Variants in OR51B5 observed in about 807,000 individuals in gnomAD.
The protein encoded by OR51B5 is olfactory receptor 51B5.
For missense variants in OR51B5, 456 were observed against 374.6 expected (o/e 1.22, Z -1.79); for synonymous variants, 186 against 144.8 (o/e 1.28, Z -2.04).
At chr11:5,433,071 A>C (rs112591791) in intron 1 of OR51B5, among the ~76,000 whole-genome samples, 8 of 152,234 alleles carry the variant, frequency 5.3e-5, no homozygotes, top group African/African-American at 1.7e-4. Context: ...GGATATAAAC[A>C]TTTCAGGTGA....
At chr11:5,459,689 C>G in intron 1 of OR51B5, among the ~76,000 whole-genome samples, 1 of 151,866 alleles carries the variant, frequency 6.6e-6, no homozygotes, top group East Asian at 1.9e-4. Flanking sequence ...GATGCCATCT[C>G]CCATCAGTCT....
intron 1 of OR51B5, chr11:5,455,929 C>T (rs1850952635): frequency 6.6e-6 from 1 of 152,006 alleles, no homozygotes; most frequent in African/African-American, 2.4e-5. Context: ...GTATGATTTC[C>T]AATGGAAAAT....
chr11:5,422,218 C>A, intron 1 of OR51B5: 1 of 1,610,976 alleles, frequency 6.2e-7, no homozygotes, highest in East Asian at 2.2e-5. Context: ...AGGTGACTAA[C>A]ACCACACAAG....
intron 1 of OR51B5, among the ~76,000 whole-genome samples, chr11:5,495,994 G>T (rs1452106818): frequency 6.6e-6 from 1 of 152,044 alleles, no homozygotes; most frequent in South Asian, 2.1e-4. Flanking sequence ...TCCATGAACA[G>T]ACTCTGAGCA....
chr11:5,405,959 T>C (rs1365805889), intron 1 of OR51B5, among the ~76,000 whole-genome samples: 1 of 152,136 alleles, frequency 6.6e-6, no homozygotes, highest in Non-Finnish European at 1.5e-5. Flanking sequence ...ATTTCATCAA[T>C]GGCCAGATAA....
chr11:5,430,064 C>CA (rs1270385786), intron 1 of OR51B5, among the ~76,000 whole-genome samples: 1 of 151,884 alleles, frequency 6.6e-6, no homozygotes, highest in Non-Finnish European at 1.5e-5. Context: ...TAAATGTAAA[C>CA]AAAAATAAAC....
At chr11:5,381,053 G>A (rs907186619) in intron 1 of OR51B5, among the ~76,000 whole-genome samples, 1 of 151,994 alleles carries the variant, frequency 6.6e-6, no homozygotes, top group African/African-American at 2.4e-5. Context: ...TATCAATTCT[G>A]GATAGAGGTT....
intron 1 of OR51B5, among the ~76,000 whole-genome samples, chr11:5,415,349 C>T (rs1483808332): frequency 6.6e-6 from 1 of 151,004 alleles, no homozygotes; most frequent in Non-Finnish European, 1.5e-5. Context: ...GACACCCTAA[C>T]ATCACAATTA....
chr11:5,408,330 C>A (rs184295458), intron 1 of OR51B5, among the ~76,000 whole-genome samples: 2 of 150,952 alleles, frequency 1.3e-5, no homozygotes, highest in African/African-American at 4.9e-5. Context: ...TGTCAAAATT[C>A]TTTCCTTCCT....
intron 1 of OR51B5, among the ~76,000 whole-genome samples, chr11:5,395,457 A>C (rs1849853615): frequency 6.6e-6 from 1 of 152,198 alleles, no homozygotes; most frequent in South Asian, 2.1e-4. Context: ...GCTTCCAGGA[A>C]GATGGCCAAT....
chr11:5,388,520 T>A (rs11037178), intron 1 of OR51B5, among the ~76,000 whole-genome samples: 1 of 147,890 alleles, frequency 6.8e-6, no homozygotes, highest in East Asian at 2.0e-4. Context: ...CCAGGAAGAA[T>A]GAAAATACAA....
chr11:5,385,959 T>C lies in OR51B5; in HGVS notation n.85-39049A>G, dbSNP rs191130371. Among the ~76,000 whole-genome samples, 16 of 147,476 alleles carry C rather than the reference T, an allele frequency of 1.1e-4. No individual in the cohort carries two copies. In the East Asian group the frequency reaches 3.2e-3, roughly 29 times the overall value. ...TAAGTATGTTCTATATATATATCAA[T>C]AAGTATATATAAATATAAAAATATA... On this transcript the variant is annotated intron_variant and non_coding_transcript_variant, in intron 1 of 4. Transcript: ENST00000415970.
chr11:5,466,122 C>A (rs952923050), intron 1 of OR51B5, among the ~76,000 whole-genome samples: 52 of 152,138 alleles, frequency 3.4e-4, no homozygotes, highest in Non-Finnish European at 6.8e-4. Flanking sequence ...AAACAAACAA[C>A]CCCATCAAAA....
intron 1 of OR51B5, among the ~76,000 whole-genome samples, chr11:5,435,247 G>A (rs547105100): frequency 9.9e-5 from 15 of 152,244 alleles, no homozygotes; most frequent in Admixed American, 7.2e-4. Context: ...CCACTATCCT[G>A]GACAGATCTC....
At chr11:5,390,644 C>G (rs1849781787) in intron 1 of OR51B5, 1 of 399,172 alleles carries the variant, frequency 2.5e-6, no homozygotes, top group African/African-American at 2.0e-5. Flanking sequence ...AGGTCATCAT[C>G]AATGTAACTA....
At chr11:5,493,438 A>G (rs531169693) in intron 1 of OR51B5, among the ~76,000 whole-genome samples, 1 of 152,350 alleles carries the variant, frequency 6.6e-6, no homozygotes, top group East Asian at 1.9e-4. Context: ...CCAAGAACTT[A>G]TAAAGTTTCT....
chr11:5,430,083 GT>G (rs1335860454), intron 1 of OR51B5, among the ~76,000 whole-genome samples: 1 of 152,132 alleles, frequency 6.6e-6, no homozygotes, highest in East Asian at 1.9e-4. Context: ...ACAATTTATT[GT>G]TTGATCAAGA....
chr11:5,496,683 G>C (rs1006875293), intron 1 of OR51B5, among the ~76,000 whole-genome samples: 2 of 152,150 alleles, frequency 1.3e-5, no homozygotes, highest in African/African-American at 4.8e-5. Flanking sequence ...ACCTTTGAGT[G>C]ATTATAATTT....
chr11:5,381,397 A>G (rs1385031600), intron 1 of OR51B5, among the ~76,000 whole-genome samples: 2 of 152,156 alleles, frequency 1.3e-5, no homozygotes, highest in East Asian at 1.9e-4. Flanking sequence ...TAATATTCGC[A>G]TGATTACCCA....
Sources: allele counts gnomAD v4.1 joint callset (sites outside exome capture counted in the v4.1 genomes callset), GRCh38; gene constraint gnomAD v4.1.1; transcripts MANE v1.5; gene names NCBI Gene and HGNC (gene_info 2026-07-23, HGNC 2026-07-21).